Variants in EVC2 observed in about 807,000 individuals in gnomAD.
The protein encoded by EVC2 is EvC ciliary complex subunit 2, also known as limbin.
In EVC2, 148 loss-of-function variants were observed where a neutral mutation model predicts 149.3. That is an observed-to-expected ratio of 0.99 (90% CI 0.87 to 1.14). The LOEUF (loss-of-function observed/expected upper bound fraction) is 1.14, where lower values mean the gene tolerates loss of function less well. Among genes scored for constraint, EVC2 ranks in the 50% most tolerant of loss-of-function variants. EVC2 has a pLI of 0.00. For synonymous variants in EVC2, 776 were observed against 649.9 expected (o/e 1.19, Z -2.95); for missense variants, 1,854 against 1,627.3 (o/e 1.14, Z -2.40).
downstream of EVC2, among the ~76,000 whole-genome samples, chr4:5,558,019 TATCA>T (rs1721869809): frequency 6.6e-6 from 1 of 152,140 alleles, no homozygotes. Context: ...GTCTATAGAA[TATCA>T]ATCAAAATTC....
At chr4:5,658,437 C>T (rs1369189563) in intron 9 of EVC2, among the ~76,000 whole-genome samples, 1 of 152,124 alleles carries the variant, frequency 6.6e-6, no homozygotes. Flanking sequence ...ATGGTTGGCA[C>T]ATAAAAAACT....
Position 5,618,660 on chromosome 4 carries a change from A to G in EVC2, c.2524T>C (p.Ser842Pro), listed in dbSNP as rs1429597430. ...CTGAGCAGCTCCTCTTCAGACAGGGAGAAGACTGAGGAGCAGAGCTTCCTG... is the reference window on the plus strand; with the variant it reads ...CTGAGCAGCTCCTCTTCAGACAGGGGGAAGACTGAGGAGCAGAGCTTCCTG... ...IFMKLCSSVF[S>P]LSEEELLRMR... The change falls in exon 15 of 22, where the codon TCC (serine) becomes CCC (proline). Residue 842 changes from serine (S) to proline (P), a missense_variant. Transcript: ENST00000344408. The surrounding 1 kb of genome is among the most constrained non-coding windows in gnomAD (Gnocchi z 4.4). 1.2e-6 allele frequency: 2 copies of G among 1,606,022 alleles called. No homozygotes were observed. Among genetic ancestry groups the G allele is most frequent in the Admixed American group, 1.7e-5 (1 of 59,024 alleles).
In EVC2 at chr4:5,584,744, G is replaced by T; in HGVS notation, c.2936C>A (p.Thr979Asn). The T allele has an allele frequency of 1.2e-6, 2 of 1,614,158 alleles. No individual in the cohort carries two copies. Among genetic ancestry groups the T allele is most frequent in the Non-Finnish European group, 1.7e-6 (2 of 1,180,026 alleles). The part of the protein sequence containing the change: ...ALQFQKASRV[T>N]ETLSAYTALL... ...GGCGGTGTAGGCCGACAGAGTCTCG[G>T]TCACCCGGGACGCCTTCTGGAACTG... Residue 979 changes from threonine to asparagine, a missense_variant, in exon 17 of 22, where the codon ACC (threonine) becomes AAC (asparagine). Coordinates refer to ENST00000344408, the MANE Select transcript of EVC2 (RefSeq NM_147127.5).
the EVC2 span, among the ~76,000 whole-genome samples, chr4:5,537,011 G>A: frequency 3.9e-5 from 6 of 152,148 alleles, no homozygotes; most frequent in East Asian, 5.8e-4. Flanking sequence ...AATAAGGACC[G>A]GATTTATCTT....
intron 21 of EVC2, among the ~76,000 whole-genome samples, chr4:5,544,421 C>A (rs1468451533): frequency 1.3e-5 from 2 of 152,320 alleles, no homozygotes; most frequent in African/African-American, 4.8e-5. Flanking sequence ...CTACCCCCCA[C>A]ACACATGCAC....
intron 21 of EVC2, among the ~76,000 whole-genome samples, chr4:5,551,795 T>A (rs1055763479): frequency 2.6e-5 from 4 of 152,124 alleles, no homozygotes; most frequent in African/African-American, 9.7e-5. Context: ...TGGGGGCCGG[T>A]CTTTCCCGTG....
At chr4:5,579,527 G>T (rs1318821656) in intron 17 of EVC2, among the ~76,000 whole-genome samples, 1 of 152,144 alleles carries the variant, frequency 6.6e-6, no homozygotes, top group Admixed American at 6.5e-5. Context: ...GGTCCATAGG[G>T]AGAAAGGCAG....
intron 14 of EVC2, among the ~76,000 whole-genome samples, chr4:5,621,710 C>A (rs562213224): frequency 3.9e-5 from 6 of 152,288 alleles, no homozygotes; most frequent in Admixed American, 3.3e-4. Context: ...TCCGACTTGT[C>A]TTCATTGTTT....
At chr4:5,600,359 A>G (rs1444067818) in intron 16 of EVC2, among the ~76,000 whole-genome samples, 1 of 152,212 alleles carries the variant, frequency 6.6e-6, no homozygotes, top group Non-Finnish European at 1.5e-5. Context: ...CAAGTTGCAC[A>G]AAACAGATAA....
intron 16 of EVC2, among the ~76,000 whole-genome samples, chr4:5,604,065 G>A (rs549401544): frequency 6.6e-6 from 1 of 152,304 alleles, no homozygotes; most frequent in African/African-American, 2.4e-5. Flanking sequence ...CTGAGACTCA[G>A]TATTCTCATC....
intron 5 of EVC2, 76 bp from the exon 6 acceptor site, chr4:5,685,555 A>C: frequency 8.3e-7 from 1 of 1,206,370 alleles, no homozygotes; most frequent in South Asian, 1.2e-5. Flanking sequence ...CACCCCAGAC[A>C]CATCCTGGCC....
intron 10 of EVC2, among the ~76,000 whole-genome samples, chr4:5,639,366 C>A (rs572174486): frequency 2.0e-5 from 3 of 152,202 alleles, no homozygotes; most frequent in African/African-American, 7.2e-5. Flanking sequence ...TTGGTATATT[C>A]AGGAAAAACT....
chr4:5,696,302 A>T lies in EVC2; in HGVS notation c.283+1291T>A, dbSNP rs2151738387. 6.6e-6 allele frequency among the ~76,000 whole-genome samples: 1 copy of T among 152,286 alleles called. No individual in the cohort carries two copies. The highest frequency in any genetic ancestry group is 1.9e-4 in the East Asian group (1 of 5,174). On this transcript the variant is annotated intron_variant, in intron 2 of 21. Transcript: ENST00000344408. This position sits in a 1 kb window ranked among gnomAD's most constrained non-coding sequence, Gnocchi z 4.1. ...GTCCTCAGCTTTAATGAAGACTCCA[A>T]AGTGATCCCTCCCTTCAGAGAGGAC...
At chr4:5,699,503 A>G (rs1327253254) in intron 1 of EVC2, among the ~76,000 whole-genome samples, 1 of 152,220 alleles carries the variant, frequency 6.6e-6, no homozygotes, top group Non-Finnish European at 1.5e-5. Flanking sequence ...TGTTCACAGC[A>G]GCATTATTCA....
At chr4:5,684,391 C>A (rs1299402124) in intron 6 of EVC2, among the ~76,000 whole-genome samples, 1 of 152,220 alleles carries the variant, frequency 6.6e-6, no homozygotes, top group African/African-American at 2.4e-5. Flanking sequence ...GAGGAGGCTG[C>A]AGGGTACAAT....
intron 6 of EVC2, among the ~76,000 whole-genome samples, chr4:5,683,241 C>T (rs539839325): frequency 3.9e-5 from 6 of 152,350 alleles, no homozygotes; most frequent in Middle Eastern, 3.4e-3. Flanking sequence ...CTTTGGAATA[C>T]GTACGGTGCC....
At chr4:5,555,655 A>G (rs1721825898) in intron 21 of EVC2, among the ~76,000 whole-genome samples, 1 of 152,210 alleles carries the variant, frequency 6.6e-6, no homozygotes, top group African/African-American at 2.4e-5. Flanking sequence ...ATTTTTTACA[A>G]TATATGCAAA....
intron 6 of EVC2, among the ~76,000 whole-genome samples, chr4:5,683,837 AACAC>A (rs762053482): frequency 3.1e-5 from 4 of 129,280 alleles, no homozygotes; most frequent in South Asian, 6.0e-4. Flanking sequence ...GCTGCCCAGG[AACAC>A]ACACACACAG....
At chr4:5,531,867 C>T in the EVC2 span, among the ~76,000 whole-genome samples, 2 of 152,186 alleles carry the variant, frequency 1.3e-5, no homozygotes, top group East Asian at 1.9e-4. Flanking sequence ...CCTGCCAGTT[C>T]ATGGAAAAAT....
Sources: allele counts gnomAD v4.1 joint callset (sites outside exome capture counted in the v4.1 genomes callset), GRCh38; gene constraint gnomAD v4.1.1; non-coding constraint Gnocchi (gnomAD v3.1); transcripts MANE v1.5; gene names NCBI Gene and HGNC (gene_info 2026-07-23, HGNC 2026-07-21).